ARF3: variants seen among roughly 807,000 people sequenced by gnomAD.
ARF3 encodes the protein ADP-ribosylation factor 3.
ARF3 carries 5 observed loss-of-function variants against 19.3 expected under a neutral mutation model. That is an observed-to-expected ratio of 0.26 (90% confidence interval 0.14 to 0.54). The LOEUF (loss-of-function observed/expected upper bound fraction) is 0.54. Ranked by LOEUF, ARF3 falls within the 20% of genes least tolerant of loss-of-function variation. The pLI is 0.95. For missense variants in ARF3, 77 were observed against 234.2 expected, an observed-to-expected ratio of 0.33 and a Z score of 4.38; for synonymous variants, 71 against 89.2, an observed-to-expected ratio of 0.80 and a Z score of 1.15.
chr12:48,956,936 A>G (rs1335535406), intron 1 of ARF3: 1 of 152,346 alleles, frequency 6.6e-6, no homozygotes, highest in African/African-American at 2.4e-5. Context: ...AGCATTCCCT[A>G]GCCCTTTAAC....
intron 1 of ARF3, among the ~76,000 whole-genome samples, chr12:48,950,481 C>T (rs1029316358): frequency 6.6e-6 from 1 of 152,180 alleles, no homozygotes; most frequent in East Asian, 1.9e-4. Context: ...GCCACTGTAC[C>T]CGACTGGCTT....
intron 1 of ARF3, among the ~76,000 whole-genome samples, chr12:48,950,923 G>A (rs529255548): frequency 2.0e-5 from 3 of 151,842 alleles, no homozygotes; most frequent in African/African-American, 4.8e-5. Context: ...GTAGCTGGGC[G>A]ATTACAGGCA....
intron 1 of ARF3, among the ~76,000 whole-genome samples, chr12:48,943,160 A>T (rs1471722164): frequency 6.6e-6 from 1 of 152,172 alleles, no homozygotes; most frequent in Non-Finnish European, 1.5e-5. Context: ...GAAAGGATGA[A>T]CAGGACCAAA....
rs78849266 is a variant in ARF3, at chr12:48,946,267, T to C, written c.-93-5079A>G. 2.5e-4 allele frequency among the ~76,000 whole-genome samples: 38 copies of C among 152,236 alleles called. No homozygotes were observed. The East Asian group carries it at 7.1e-3, about 29-fold the overall frequency. On this transcript the variant is annotated intron_variant, in intron 1 of 4. Coordinates refer to ENST00000256682, the MANE Select transcript of ARF3 (RefSeq NM_001659.3). ...TTCTGCTTTGTGCCATGAATACAAA[T>C]CTCTGGCTATACAGCCTATTCTCAC...
At chr12:48,951,745 G>T (rs1695054802) in intron 1 of ARF3, among the ~76,000 whole-genome samples, 1 of 151,924 alleles carries the variant, frequency 6.6e-6, no homozygotes, top group Non-Finnish European at 1.5e-5. Context: ...CAGGCGTGGT[G>T]GCGCACGCCT....
chr12:48,954,792 G>A (rs1940530608), intron 1 of ARF3, among the ~76,000 whole-genome samples: 1 of 152,142 alleles, frequency 6.6e-6, no homozygotes, highest in East Asian at 1.9e-4. Context: ...GGCCAAGGTG[G>A]GAGGATATAT....
intron 1 of ARF3, among the ~76,000 whole-genome samples, chr12:48,945,491 G>A (rs1259230062): frequency 1.3e-5 from 2 of 152,006 alleles, no homozygotes; most frequent in Non-Finnish European, 2.9e-5. Flanking sequence ...AACCTGGGAG[G>A]TGGAGGTTGC....
intron 1 of ARF3, among the ~76,000 whole-genome samples, chr12:48,952,943 AG>A (rs1292957208): frequency 1.3e-5 from 2 of 152,252 alleles, no homozygotes; most frequent in Non-Finnish European, 2.9e-5. Flanking sequence ...GGGTGGCTAC[AG>A]CCCTTGGGCC....
In ARF3 at chr12:48,939,432, A is replaced by G. The variant is rs1014048630; in HGVS notation, c.384+223T>C. ...TCTCCTAAAGTAGATAACAGGCAAG[A>G]TGAAAGAAAGATTTGAGACAATTCC... is the stretch of plus-strand genomic sequence containing the variant. On this transcript the variant is annotated intron_variant, in intron 4 of 4. Transcript: ENST00000256682. This position sits in a 1 kb window ranked among gnomAD's most constrained non-coding sequence, Gnocchi z 4.8. Among the ~76,000 whole-genome samples, 1 of 152,222 alleles carries G rather than the reference A, an allele frequency of 6.6e-6. No homozygotes were observed. Among genetic ancestry groups the G allele is most frequent in the Non-Finnish European group, 1.5e-5 (1 of 68,046 alleles).
intron 1 of ARF3, chr12:48,953,204 G>A (rs1300396994): frequency 2.6e-5 from 4 of 152,200 alleles, no homozygotes; most frequent in African/African-American, 9.6e-5. Context: ...TTCTATAGGT[G>A]GTCTCTGATC....
At chr12:48,944,027 T>C (rs1940312317) in intron 1 of ARF3, among the ~76,000 whole-genome samples, 1 of 152,250 alleles carries the variant, frequency 6.6e-6, no homozygotes, top group African/African-American at 2.4e-5. Flanking sequence ...CTTTTGGTCA[T>C]ACTACTAACA....
intron 1 of ARF3, among the ~76,000 whole-genome samples, chr12:48,951,551 G>A (rs1179080911): frequency 1.3e-5 from 2 of 150,320 alleles, no homozygotes; most frequent in Non-Finnish European, 3.0e-5. Context: ...TGACAAGAAC[G>A]CAACTCCATC....
At chr12:48,952,248 G>A (rs1940485269) in intron 1 of ARF3, among the ~76,000 whole-genome samples, 1 of 152,210 alleles carries the variant, frequency 6.6e-6, no homozygotes, top group East Asian at 1.9e-4. Flanking sequence ...GAACCGCCCT[G>A]TCTGATGGAG....
rs758604091 is a variant in ARF3, at chr12:48,940,124, G to A, written c.149-17C>T. On this transcript the variant is annotated splice_polypyrimidine_tract_variant and intron_variant, in intron 2 of 4. Transcript: ENST00000256682. ...CATTGAACCCTTTGGAAAAAAAACA[G>A]GCAATGGCCACTTGGCCTCAAACAC... 4.5e-6 allele frequency: 7 copies of A among 1,550,210 alleles called. No individual in the cohort carries two copies. The South Asian group carries it at 7.8e-5, about 17-fold the overall frequency.
chr12:48,957,267 C>A (rs1179977113), intron 1 of ARF3, 43 bp downstream of exon 1: 2 of 153,130 alleles, frequency 1.3e-5, no homozygotes, highest in Non-Finnish European at 2.9e-5. Flanking sequence ...CCTGACCGAG[C>A]CTCTTCTCTA....
chr12:48,948,077 C>T (rs900008077), intron 1 of ARF3, among the ~76,000 whole-genome samples: 3 of 150,904 alleles, frequency 2.0e-5, no homozygotes, highest in African/African-American at 4.9e-5. Flanking sequence ...TGGTGGTGCA[C>T]GCCTGTAGTC....
chr12:48,939,533 T>C lies in ARF3; in HGVS notation c.384+122A>G. ...GGGCATAAAGAAGCCAAGTGCTCAG[T>C]TTCCCACGCTTCTAACATTGAGAGC... On this transcript the variant is annotated intron_variant, in intron 4 of 4. Coordinates refer to ENST00000256682, the MANE Select transcript of ARF3 (RefSeq NM_001659.3). This position sits in a 1 kb window ranked among gnomAD's most constrained non-coding sequence, Gnocchi z 4.8. 7.2e-7 allele frequency: 1 copy of C among 1,392,208 alleles called. No individual in the cohort carries two copies. The highest frequency in any genetic ancestry group is 9.8e-7 in the Non-Finnish European group (1 of 1,017,082). The allele number at this position is 1,392,208 out of a possible 1,614,324, so 86.2% of individuals were successfully genotyped here.
rs1383531304 is a variant in ARF3 at position 48,939,614 on chromosome 12, G to A, written c.384+41C>T. The A allele has an allele frequency of 6.2e-7, 1 of 1,613,208 alleles. No homozygotes were observed. Among genetic ancestry groups the A allele is most frequent in the Non-Finnish European group, 8.5e-7 (1 of 1,179,266 alleles). ...CAAGAGCCAACAATTTCCACAGCCA[G>A]TTTGCTGTCTCCCAAATTCAGGGGT... On this transcript the variant is annotated intron_variant, in intron 4 of 4. Coordinates refer to ENST00000256682, the MANE Select transcript of ARF3 (RefSeq NM_001659.3). This position sits in a 1 kb window ranked among gnomAD's most constrained non-coding sequence, Gnocchi z 4.8.
chr12:48,948,672 G>A (rs1412721100), intron 1 of ARF3, among the ~76,000 whole-genome samples: 1 of 152,168 alleles, frequency 6.6e-6, no homozygotes, highest in Non-Finnish European at 1.5e-5. Flanking sequence ...TTAGCCGGGT[G>A]TGATGGTGTG....
Sources: gnomAD v4.1 joint callset for allele counts (sites outside exome capture counted in the v4.1 genomes callset) on GRCh38, gnomAD v4.1.1 for gene constraint, Gnocchi (gnomAD v3.1) non-coding constraint, MANE v1.5 for transcripts, NCBI Gene and HGNC (gene_info 2026-07-23, HGNC 2026-07-21) for gene names.